KIAA1549L: variants seen among roughly 807,000 people sequenced by gnomAD.
The protein encoded by KIAA1549L is KIAA1549 like.
Under a neutral mutation model 160.7 loss-of-function variants are expected in KIAA1549L, and 88 were observed. The ratio of observed to expected loss-of-function variants is 0.55; its 90% CI spans 0.46 to 0.65. The LOEUF is 0.65. Ranked by LOEUF, KIAA1549L falls within the 30% of genes least tolerant of loss-of-function variation. The probability of loss-of-function intolerance (pLI) is 0.00; values close to 1 mark genes in which losing one functional copy is unlikely to be tolerated. For missense variants in KIAA1549L, 2,258 were observed against 2,437.5 expected (o/e 0.93, Z 1.55); for synonymous variants, 950 against 976.7 (o/e 0.97, Z 0.51).
intron 1 of KIAA1549L, among the ~76,000 whole-genome samples, chr11:33,434,162 A>T (rs1020213601): frequency 6.6e-6 from 1 of 152,038 alleles, no homozygotes; most frequent in South Asian, 2.1e-4. Flanking sequence ...AGATTTTTTT[A>T]AAAAGATTCT....
At chr11:33,481,780 A>G (rs1053198170) in intron 1 of KIAA1549L, among the ~76,000 whole-genome samples, 2 of 152,228 alleles carry the variant, frequency 1.3e-5, no homozygotes, top group African/African-American at 4.8e-5. Flanking sequence ...CTCACTCTAG[A>G]AAGTGTTCCA....
At chr11:33,475,724 G>A (rs1039762090) in intron 1 of KIAA1549L, among the ~76,000 whole-genome samples, 6 of 151,868 alleles carry the variant, frequency 4.0e-5, no homozygotes, top group Non-Finnish European at 7.4e-5. Context: ...GCTAGACGTG[G>A]TGCACATCTA....
intron 10 of KIAA1549L, among the ~76,000 whole-genome samples, chr11:33,578,962 T>G (rs543610389): frequency 1.2e-4 from 19 of 152,330 alleles, no homozygotes; most frequent in Non-Finnish European, 2.5e-4. Flanking sequence ...TCTATTCTTG[T>G]GAAGGCAAAG....
At chr11:33,484,921 T>C (rs1165931055) in intron 1 of KIAA1549L, among the ~76,000 whole-genome samples, 2 of 152,256 alleles carry the variant, frequency 1.3e-5, no homozygotes, top group Non-Finnish European at 2.9e-5. Flanking sequence ...GCTGGTATTC[T>C]AATCAAGACC....
chr11:33,534,535 A>C (rs1455189825), intron 1 of KIAA1549L, among the ~76,000 whole-genome samples: 1 of 151,604 alleles, frequency 6.6e-6, no homozygotes, highest in African/African-American at 2.4e-5. Context: ...ATTGATAAAA[A>C]CTAAAATTCT....
chr11:33,579,237 C>G (rs1855556132), intron 10 of KIAA1549L, among the ~76,000 whole-genome samples: 1 of 152,154 alleles, frequency 6.6e-6, no homozygotes, highest in African/African-American at 2.4e-5. Context: ...CTGTAAAGGG[C>G]TTGGTGCAGT....
chr11:33,463,933 C>T (rs1335963099), intron 1 of KIAA1549L, among the ~76,000 whole-genome samples: 2 of 152,172 alleles, frequency 1.3e-5, no homozygotes, highest in Non-Finnish European at 2.9e-5. Flanking sequence ...CTGGAGCACC[C>T]TGCTGGTACC....
At chr11:33,475,214 G>A (rs1380825039) in intron 1 of KIAA1549L, among the ~76,000 whole-genome samples, 1 of 152,132 alleles carries the variant, frequency 6.6e-6, no homozygotes, top group Non-Finnish European at 1.5e-5. Flanking sequence ...AGAAGCTGGA[G>A]GTAGTTTTGC....
intron 1 of KIAA1549L, among the ~76,000 whole-genome samples, chr11:33,389,697 T>C (rs1850236873): frequency 1.3e-5 from 2 of 152,254 alleles, no homozygotes; most frequent in South Asian, 4.1e-4. Flanking sequence ...TTTCCATTCT[T>C]GTGACCAATG....
intron 9 of KIAA1549L, among the ~76,000 whole-genome samples, chr11:33,571,569 C>T (rs926575420): frequency 6.6e-6 from 1 of 152,036 alleles, no homozygotes. Context: ...AAGATGAAGG[C>T]GGAGCAGGTC....
At chr11:33,628,696 G>T (rs1466556905) in intron 16 of KIAA1549L, among the ~76,000 whole-genome samples, 1 of 147,664 alleles carries the variant, frequency 6.8e-6, no homozygotes, top group East Asian at 1.9e-4. Context: ...CGTGAGATGG[G>T]TTTCCTGAAT....
intron 1 of KIAA1549L, among the ~76,000 whole-genome samples, chr11:33,456,300 G>A (rs747597755): frequency 1.6e-4 from 25 of 152,166 alleles, no homozygotes; most frequent in Non-Finnish European, 3.4e-4. Flanking sequence ...GGTCATGTGT[G>A]CCTTTAGCTG....
intron 16 of KIAA1549L, among the ~76,000 whole-genome samples, chr11:33,622,632 A>G (rs1850990581): frequency 6.6e-6 from 1 of 152,018 alleles, no homozygotes; most frequent in Non-Finnish European, 1.5e-5. Context: ...CACAGCCACA[A>G]CCTCCTGGAA....
chr11:33,597,412 G>C (rs1160754806), intron 12 of KIAA1549L, among the ~76,000 whole-genome samples: 1 of 152,160 alleles, frequency 6.6e-6, no homozygotes, highest in Admixed American at 6.5e-5. Context: ...GGAGGAGGCA[G>C]AGGAGCATCC....
intron 1 of KIAA1549L, among the ~76,000 whole-genome samples, chr11:33,390,979 T>C (rs1850262118): frequency 6.6e-6 from 1 of 152,216 alleles, no homozygotes; most frequent in African/African-American, 2.4e-5. Flanking sequence ...AGGTGCACGA[T>C]GTCTCCAAGG....
chr11:33,659,795 A>T (rs1206422505), intron 19 of KIAA1549L, among the ~76,000 whole-genome samples: 1 of 152,196 alleles, frequency 6.6e-6, no homozygotes, highest in East Asian at 1.9e-4. Flanking sequence ...GGGTGTTGGG[A>T]TGGGGATGGG....
At chr11:33,536,032 A>G (rs1390316483) in intron 1 of KIAA1549L, among the ~76,000 whole-genome samples, 1 of 152,234 alleles carries the variant, frequency 6.6e-6, no homozygotes, top group African/African-American at 2.4e-5. Flanking sequence ...AATCTTATGT[A>G]TAAAGCAAAA....
chr11:33,405,025 A>AT (rs1850616469), intron 1 of KIAA1549L, among the ~76,000 whole-genome samples: 1 of 151,292 alleles, frequency 6.6e-6, no homozygotes, highest in Admixed American at 6.6e-5. Flanking sequence ...AAAAAAAAAA[A>AT]GTTATTTCAA....
intron 1 of KIAA1549L, among the ~76,000 whole-genome samples, chr11:33,389,394 A>G (rs1216704182): frequency 6.6e-6 from 1 of 152,218 alleles, no homozygotes; most frequent in African/African-American, 2.4e-5. Flanking sequence ...GAATAAAAAT[A>G]TCTCTAGATT....
Sources: allele counts gnomAD v4.1 joint callset (sites outside exome capture counted in the v4.1 genomes callset), GRCh38; gene constraint gnomAD v4.1.1; transcripts MANE v1.5; gene names NCBI Gene and HGNC (gene_info 2026-07-23, HGNC 2026-07-21).